The following POLR3G variants were observed in gnomAD, a reference collection of about 807,000 sequenced individuals.
The protein encoded by POLR3G is DNA-directed RNA polymerase III subunit RPC7.
POLR3G carries 28 observed loss-of-function variants against 30.1 expected under a neutral mutation model. The observed-to-expected ratio is 0.93, with a 90% CI of 0.69 to 1.27. The LOEUF (loss-of-function observed/expected upper bound fraction) is 1.27, where lower values mean the gene tolerates loss of function less well. Ranked by LOEUF, POLR3G falls within the 50% of genes most tolerant of loss-of-function variation. The pLI is 0.00. For synonymous variants in POLR3G, 79 were observed against 82.5 expected, an observed-to-expected ratio of 0.96 and a Z score of 0.23; for missense variants, 254 against 264.6, an observed-to-expected ratio of 0.96 and a Z score of 0.28.
rs536721269 is a variant in POLR3G, at chr5:90,475,844, T to C, written c.-44+824T>C. Among the ~76,000 whole-genome samples the C allele has an allele frequency of 2.9e-3, 444 of 152,318 alleles. 5 individuals carry two copies. Among genetic ancestry groups the C allele is most frequent in the African/African-American group, 1.0e-2 (415 of 41,564 alleles). On this transcript the variant is annotated intron_variant, in intron 1 of 7. Transcript: ENST00000651687. The stretch of plus-strand genomic sequence containing the variant: ...CTCCTGCTTCAGCCTCCCGAGGAGC[T>C]GAGGTTACAGGCGCCTGCCACTGCA...
chr5:90,475,719 G>A (rs1302301160), intron 1 of POLR3G, among the ~76,000 whole-genome samples: 3 of 152,022 alleles, frequency 2.0e-5, no homozygotes, highest in African/African-American at 7.2e-5. Context: ...GTTTTTGTTT[G>A]TTTGTTTGTT....
At chr5:90,506,424 A>G (rs1752487006) in intron 6 of POLR3G, 104 bp from the exon 7 acceptor site, 1 of 1,407,516 alleles carries the variant, frequency 7.1e-7, no homozygotes, top group Non-Finnish European at 9.4e-7. Flanking sequence ...TGGTGGTAAG[A>G]TGGGAGTAGA....
intron 1 of POLR3G, among the ~76,000 whole-genome samples, chr5:90,479,422 G>A (rs533727819): frequency 2.6e-5 from 4 of 152,220 alleles, no homozygotes; most frequent in South Asian, 2.1e-4. Flanking sequence ...GCAGTGAGCC[G>A]AGATCGCACC....
At position 90,505,733 on chromosome 5, in the gene POLR3G, GAC is replaced by G. The variant is rs553928997; in HGVS notation, c.439-791_439-790del. On this transcript the variant is annotated intron_variant, in intron 6 of 7. Transcript: ENST00000651687. ...AATAATGAGAGAGAAAAAAGATAAA[GAC>G]ACAGATAAAATGCAACTAGGATAAT... Among the ~76,000 whole-genome samples the G allele has an allele frequency of 2.9e-3, 441 of 152,242 alleles. 2 individuals carry two copies. The highest frequency in any genetic ancestry group is 0.01 in the African/African-American group (422 of 41,550).
At chr5:90,487,873 G>C (rs962815632) in intron 2 of POLR3G, 127 bp from the exon 3 acceptor site, 2 of 669,504 alleles carry the variant, frequency 3.0e-6, no homozygotes, top group Non-Finnish European at 4.5e-6. Context: ...TTTTAAGTTG[G>C]TTGTAAAACT....
chr5:90,494,312 A>T (rs1235077481), intron 3 of POLR3G, among the ~76,000 whole-genome samples: 1 of 152,130 alleles, frequency 6.6e-6, no homozygotes, highest in East Asian at 1.9e-4. Context: ...TCATCACTTG[A>T]TGGGCATTTG....
At chr5:90,474,379 G>C, upstream of POLR3G, 2 of 1,263,124 alleles carry the variant, frequency 1.6e-6, no homozygotes, top group Non-Finnish European at 2.3e-6. Context: ...GCGGCTGTGT[G>C]AAGCGGTCTG....
chr5:90,501,284 A>C (rs977087115), intron 5 of POLR3G, among the ~76,000 whole-genome samples: 1 of 152,210 alleles, frequency 6.6e-6, no homozygotes, highest in African/African-American at 2.4e-5. Flanking sequence ...GTATATAATC[A>C]TAATTAGCTT....
chr5:90,494,116 T>A (rs1348223307), intron 3 of POLR3G, among the ~76,000 whole-genome samples: 1 of 152,178 alleles, frequency 6.6e-6, no homozygotes, highest in East Asian at 1.9e-4. Flanking sequence ...ACCAGAAATC[T>A]GCTTTCTGTC....
At chr5:90,477,826 G>A (rs945689635) in intron 1 of POLR3G, among the ~76,000 whole-genome samples, 2 of 152,220 alleles carry the variant, frequency 1.3e-5, no homozygotes, top group Admixed American at 6.5e-5. Flanking sequence ...GTGAGGCAGT[G>A]GGTGGAGCAT....
rs1752210660 is a variant in POLR3G, at chr5:90,500,859, T to A, written c.356-1047T>A. Among the ~76,000 whole-genome samples, 3 of 152,158 alleles carry A rather than the reference T, an allele frequency of 2.0e-5. No individual in the cohort carries two copies. The South Asian group carries it at 6.2e-4, about 32-fold the overall frequency. On this transcript the variant is annotated intron_variant, in intron 5 of 7. Transcript: ENST00000651687. ...TTCCTCTTACAAAGTAATTTCTAAG[T>A]GTTTAGCTTTATTTTGGAAAAGAGC...
intron 1 of POLR3G, among the ~76,000 whole-genome samples, chr5:90,481,756 A>G (rs1469084930): frequency 2.0e-5 from 3 of 152,240 alleles, no homozygotes; most frequent in Non-Finnish European, 4.4e-5. Flanking sequence ...TAACTGTAAA[A>G]ACATTTATGT....
chr5:90,478,736 A>C (rs887888343), intron 1 of POLR3G, among the ~76,000 whole-genome samples: 4 of 151,252 alleles, frequency 2.6e-5, no homozygotes, highest in African/African-American at 9.7e-5. Context: ...CTGTAGTCCC[A>C]GCACTTTGGG....
chr5:90,477,510 CAG>C (rs1474734214), intron 1 of POLR3G, among the ~76,000 whole-genome samples: 1 of 152,132 alleles, frequency 6.6e-6, no homozygotes, highest in East Asian at 1.9e-4. Flanking sequence ...GGAGAGAGAA[CAG>C]AGCTGGTAAA....
At chr5:90,507,602 A>G (rs1324459686) in intron 7 of POLR3G, among the ~76,000 whole-genome samples, 1 of 151,964 alleles carries the variant, frequency 6.6e-6, no homozygotes, top group Non-Finnish European at 1.5e-5. Context: ...TGTTCCATTG[A>G]TCTATTTTGA....
intron 5 of POLR3G, among the ~76,000 whole-genome samples, chr5:90,498,409 T>C (rs551856813): frequency 4.6e-5 from 7 of 152,144 alleles, no homozygotes; most frequent in Non-Finnish European, 1.0e-4. Flanking sequence ...GTTTGTTAAC[T>C]CACTCCACCC....
chr5:90,487,378 A>ATTTTTTTTTTTTTTTTTTTTTTT (rs59951999), intron 2 of POLR3G, among the ~76,000 whole-genome samples: 2 of 57,028 alleles, frequency 3.5e-5, no homozygotes, highest in African/African-American at 1.6e-4. Flanking sequence ...TGGTACATTA[A>ATTTTTTTTTTTTTTTTTTTTTTT]TTTTTTTTTT....
At position 90,484,605 on chromosome 5, in the gene POLR3G, T is replaced by G. The variant is rs564556822; in HGVS notation, c.-43-920T>G. The stretch of plus-strand genomic sequence containing the variant: ...AGAGTAGAGCAGCTGTGTGAAGTAC[T>G]GTGGCTTGCATAATTTTGCAAGGAG... On this transcript the variant is annotated intron_variant, in intron 1 of 7. Coordinates refer to ENST00000651687, the MANE Select transcript of POLR3G (RefSeq NM_006467.3). Among the ~76,000 whole-genome samples the G allele has an allele frequency of 2.0e-3, 304 of 152,280 alleles. 1 individual carries two copies. The highest frequency in any genetic ancestry group is 3.3e-3 in the Non-Finnish European group (226 of 68,030).
chr5:90,474,079 C>A, upstream of POLR3G: 2 of 1,575,344 alleles, frequency 1.3e-6, no homozygotes, highest in Non-Finnish European at 1.7e-6. Flanking sequence ...CGGCGCGCCG[C>A]GTCCTCTTTG....
Sources: gnomAD v4.1 joint callset for allele counts (sites outside exome capture counted in the v4.1 genomes callset) on GRCh38, gnomAD v4.1.1 for gene constraint, MANE v1.5 for transcripts, NCBI Gene and HGNC (gene_info 2026-07-23, HGNC 2026-07-21) for gene names.